Variants in PRELID2 observed in about 807,000 individuals in gnomAD.
The protein encoded by PRELID2 is PRELI domain-containing protein 2.
In PRELID2, 25 loss-of-function variants were observed where a neutral mutation model predicts 28.4. The ratio of observed to expected loss-of-function variants is 0.88; its 90% confidence interval spans 0.64 to 1.23. The LOEUF (loss-of-function observed/expected upper bound fraction) is 1.23. Ranked by LOEUF, PRELID2 falls within the 50% of genes most tolerant of loss-of-function variation. PRELID2 has a pLI of 0.00. For missense variants in PRELID2, 201 were observed against 214.4 expected (o/e 0.94, Z 0.39); for synonymous variants, 76 against 71.6 (o/e 1.06, Z -0.31).
the PRELID2 span, among the ~76,000 whole-genome samples, chr5:145,426,054 G>A: frequency 1.3e-5 from 2 of 151,972 alleles, no homozygotes; most frequent in Non-Finnish European, 2.9e-5. Flanking sequence ...CGTGGTGATT[G>A]TTTTCCCCAA....
intron 4 of PRELID2, among the ~76,000 whole-genome samples, chr5:145,816,133 A>G (rs1282650175): frequency 2.3e-5 from 3 of 131,766 alleles, no homozygotes; most frequent in Non-Finnish European, 4.6e-5. Flanking sequence ...CCCAGGCTAG[A>G]GTGCCATGGT....
intron 1 of PRELID2, among the ~76,000 whole-genome samples, chr5:145,476,426 C>T (rs943049450): frequency 6.6e-6 from 1 of 152,190 alleles, no homozygotes; most frequent in Non-Finnish European, 1.5e-5. Context: ...TGGTGGATCA[C>T]CTAAGTCCAG....
the PRELID2 span, among the ~76,000 whole-genome samples, chr5:145,267,577 G>A: frequency 6.6e-6 from 1 of 152,144 alleles, no homozygotes; most frequent in South Asian, 2.1e-4. Context: ...CACTTAGGTT[G>A]CTTCCAAATC....
chr5:145,488,728 A>C (rs1752243865), intron 1 of PRELID2, among the ~76,000 whole-genome samples: 1 of 152,222 alleles, frequency 6.6e-6, no homozygotes, highest in Non-Finnish European at 1.5e-5. Flanking sequence ...TAAACACTGA[A>C]TAAATACTAG....
At chr5:145,740,643 A>C in intron 1 of PRELID2, among the ~76,000 whole-genome samples, 1 of 106,932 alleles carries the variant, frequency 9.4e-6, no homozygotes, top group African/African-American at 4.0e-5. Context: ...ATATAAATAT[A>C]TATATTTTAT....
intron 5 of PRELID2, among the ~76,000 whole-genome samples, chr5:145,775,180 C>G (rs968794539): frequency 6.6e-6 from 1 of 151,724 alleles, no homozygotes; most frequent in African/African-American, 2.4e-5. Context: ...GTGGAGGTTG[C>G]AGTGAGCCGA....
At chr5:145,414,531 T>G in the PRELID2 span, among the ~76,000 whole-genome samples, 1 of 152,216 alleles carries the variant, frequency 6.6e-6, no homozygotes, top group South Asian at 2.1e-4. Flanking sequence ...TTTCTTTCTT[T>G]TTCAATTAAG....
chr5:145,796,621 T>C, intron 4 of PRELID2, 74 bp from the exon 5 acceptor site: 1 of 789,080 alleles, frequency 1.3e-6, no homozygotes, highest in Non-Finnish European at 2.0e-6. Context: ...CATTTCTAGC[T>C]GCATAATTAC....
the PRELID2 span, chr5:145,229,214 G>T: frequency 6.2e-6 from 5 of 808,766 alleles, no homozygotes; most frequent in South Asian, 4.0e-5. Flanking sequence ...TCTGCTACTC[G>T]CTGGCCCCCC....
intron 1 of PRELID2, among the ~76,000 whole-genome samples, chr5:145,700,390 C>T (rs565308040): frequency 1.3e-5 from 2 of 152,086 alleles, no homozygotes; most frequent in African/African-American, 4.8e-5. Flanking sequence ...CCTTTCCCCC[C>T]CACCACTCTC....
At chr5:145,667,060 T>C (rs17103587) in intron 1 of PRELID2, among the ~76,000 whole-genome samples, 10,523 of 152,140 alleles carry the variant, frequency 0.069, 555 homozygotes, top group Admixed American at 0.18. Flanking sequence ...TGAATACAGA[T>C]ACATTTGCAT....
chr5:145,417,887 T>A, the PRELID2 span, among the ~76,000 whole-genome samples: 1 of 152,146 alleles, frequency 6.6e-6, no homozygotes, highest in South Asian at 2.1e-4. Context: ...GTATTGGAAG[T>A]TCTGGACAGG....
intron 1 of PRELID2, among the ~76,000 whole-genome samples, chr5:145,660,059 C>A (rs1036860811): frequency 3.9e-5 from 6 of 152,112 alleles, no homozygotes; most frequent in Non-Finnish European, 7.3e-5. Context: ...TTCACCTCTG[C>A]TTATAAAATT....
At chr5:145,383,769 TA>T in the PRELID2 span, among the ~76,000 whole-genome samples, 1 of 151,818 alleles carries the variant, frequency 6.6e-6, no homozygotes, top group Non-Finnish European at 1.5e-5. Flanking sequence ...GATCTTAGGG[TA>T]AGCAAACATT....
At chr5:145,571,142 A>T (rs1380888229) in intron 1 of PRELID2, among the ~76,000 whole-genome samples, 1 of 152,226 alleles carries the variant, frequency 6.6e-6, no homozygotes, top group Non-Finnish European at 1.5e-5. Flanking sequence ...ATTTCAGCTT[A>T]ATTCCCCAGG....
chr5:145,520,279 G>A (rs1027257325), intron 1 of PRELID2, among the ~76,000 whole-genome samples: 2 of 152,156 alleles, frequency 1.3e-5, no homozygotes, highest in African/African-American at 4.8e-5. Context: ...CCATTCCTGT[G>A]TCTTCTGAAC....
At chr5:145,745,252 A>T (rs1395062915) in intron 1 of PRELID2, among the ~76,000 whole-genome samples, 2 of 152,210 alleles carry the variant, frequency 1.3e-5, no homozygotes, top group African/African-American at 4.8e-5. Flanking sequence ...TATCTGAAGG[A>T]GATGCGGAGC....
At chr5:145,769,370 T>G (rs954837554) in intron 5 of PRELID2, among the ~76,000 whole-genome samples, 2 of 152,212 alleles carry the variant, frequency 1.3e-5, no homozygotes, top group Non-Finnish European at 2.9e-5. Flanking sequence ...AGAGTCAGAT[T>G]CTAAACACTT....
chr5:145,467,295 C>T (rs1283068888), downstream of PRELID2, among the ~76,000 whole-genome samples: 1 of 152,082 alleles, frequency 6.6e-6, no homozygotes, highest in Non-Finnish European at 1.5e-5. Context: ...CATGGAATTC[C>T]CAGTGCTCTG....
Sources: allele counts gnomAD v4.1 joint callset (sites outside exome capture counted in the v4.1 genomes callset), GRCh38; gene constraint gnomAD v4.1.1; transcripts MANE v1.5; gene names NCBI Gene and HGNC (gene_info 2026-07-23, HGNC 2026-07-21).